The following MPP7 variants were observed in gnomAD, a reference collection of about 807,000 sequenced individuals.
MPP7 encodes the protein MAGUK p55 scaffold protein 7.
A neutral mutation model predicts 76.5 loss-of-function variants in MPP7; 60 were observed. The observed-to-expected ratio is 0.78, with a 90% CI of 0.64 to 0.97. The LOEUF (loss-of-function observed/expected upper bound fraction) is 0.97, where lower values mean the gene tolerates loss of function less well. Ranked by LOEUF, MPP7 falls within the 50% of genes least tolerant of loss-of-function variation. The probability of loss-of-function intolerance (pLI) is 0.00; values close to 1 mark genes in which losing one functional copy is unlikely to be tolerated. For missense variants in MPP7, 641 were observed against 694.0 expected (o/e 0.92, Z 0.86); for synonymous variants, 237 against 244.5 (o/e 0.97, Z 0.29).
intron 5 of MPP7, among the ~76,000 whole-genome samples, chr10:28,139,428 A>T (rs1330959394): frequency 6.6e-6 from 1 of 152,186 alleles, no homozygotes; most frequent in African/African-American, 2.4e-5. Context: ...TGAGCTGATC[A>T]TGACCCTCAC....
intron 7 of MPP7, 129 bp downstream of exon 7, chr10:28,124,879 CAG>C: frequency 1.4e-6 from 1 of 733,272 alleles, no homozygotes; most frequent in East Asian, 2.6e-5. Flanking sequence ...CATTTCAACA[CAG>C]AGAAAAATAT....
chr10:28,259,531 G>T (rs1342113558), intron 1 of MPP7, among the ~76,000 whole-genome samples: 2 of 150,410 alleles, frequency 1.3e-5, no homozygotes, highest in African/African-American at 4.9e-5. Context: ...CCACTGCAGT[G>T]AGCCGAGATT....
At chr10:28,293,265 G>A (rs1034309147) in intron 1 of MPP7, among the ~76,000 whole-genome samples, 41 of 152,086 alleles carry the variant, frequency 2.7e-4, no homozygotes, top group Non-Finnish European at 5.4e-4. Context: ...TATAAATGGC[G>A]AACTCAACCG....
chr10:28,220,726 A>G (rs575414553), intron 2 of MPP7, among the ~76,000 whole-genome samples: 1 of 152,298 alleles, frequency 6.6e-6, no homozygotes, highest in Non-Finnish European at 1.5e-5. Flanking sequence ...GGTTGTAGAG[A>G]TGATGTAGTA....
intron 1 of MPP7, among the ~76,000 whole-genome samples, chr10:28,267,893 G>T (rs899426395): frequency 2.0e-5 from 3 of 151,834 alleles, no homozygotes; most frequent in African/African-American, 7.3e-5. Context: ...AAAATTAGCC[G>T]GGCGTGCTGG....
chr10:28,279,239 T>C (rs934362303), intron 1 of MPP7, among the ~76,000 whole-genome samples: 1 of 152,058 alleles, frequency 6.6e-6, no homozygotes, highest in Non-Finnish European at 1.5e-5. Flanking sequence ...AGGACGAAGC[T>C]ACTAAAAGTT....
intron 12 of MPP7, among the ~76,000 whole-genome samples, chr10:28,085,353 T>C (rs950029973): frequency 2.0e-5 from 3 of 152,204 alleles, no homozygotes; most frequent in Non-Finnish European, 2.9e-5. Context: ...AATACACTCA[T>C]AGCTCTTAGT....
chr10:28,325,402 GC>G (rs2133187990), intron 2 of MPP7, among the ~76,000 whole-genome samples: 1 of 152,210 alleles, frequency 6.6e-6, no homozygotes, highest in East Asian at 1.9e-4. Flanking sequence ...TGTAATCTCA[GC>G]ACTTTGGAAG....
At chr10:28,276,538 A>T (rs1001506923) in intron 1 of MPP7, among the ~76,000 whole-genome samples, 1 of 152,086 alleles carries the variant, frequency 6.6e-6, no homozygotes, top group Non-Finnish European at 1.5e-5. Flanking sequence ...ACAGAACACT[A>T]TATCACTGTA....
intron 11 of MPP7, among the ~76,000 whole-genome samples, chr10:28,111,250 C>T (rs989193392): frequency 9.9e-5 from 15 of 151,792 alleles, no homozygotes; most frequent in African/African-American, 3.6e-4. Context: ...CTCATCTTAG[C>T]AAAGCCAAAG....
At chr10:28,222,851 CA>C (rs71908213) in intron 2 of MPP7, among the ~76,000 whole-genome samples, 57 of 117,622 alleles carry the variant, frequency 4.8e-4, no homozygotes, top group Non-Finnish European at 5.6e-4. Flanking sequence ...GACTCCATCT[CA>C]AAAAAAAAAA....
chr10:28,221,325 A>T (rs1366660865), intron 2 of MPP7, among the ~76,000 whole-genome samples: 2 of 152,166 alleles, frequency 1.3e-5, no homozygotes, highest in Non-Finnish European at 2.9e-5. Flanking sequence ...CATTTTTTTT[A>T]GCAACAGAAT....
At chr10:28,118,258 G>A in intron 11 of MPP7, 1 of 984,974 alleles carries the variant, frequency 1.0e-6, no homozygotes, top group Non-Finnish European at 1.2e-6. Flanking sequence ...CTATTAAAAA[G>A]CAAAATATCC....
intron 1 of MPP7, among the ~76,000 whole-genome samples, chr10:28,272,408 G>A (rs963697392): frequency 2.0e-5 from 3 of 152,032 alleles, no homozygotes; most frequent in African/African-American, 7.2e-5. Flanking sequence ...ACTTATATCT[G>A]TACATATATT....
rs143082675 is a variant in MPP7, at chr10:28,290,131, T to C, written c.-132+12730A>G. Among the ~76,000 whole-genome samples, 495 of 152,294 alleles carry C rather than the reference T, an allele frequency of 3.3e-3. 2 individuals carry two copies. Among genetic ancestry groups the C allele is most frequent in the Non-Finnish European group, 5.4e-3 (369 of 68,018 alleles). ...ACTGAGCCCAGCCAAACCATTGATT[T>C]CTAATGCTATTACGCTACTATTGAT... On this transcript the variant is annotated intron_variant, in intron 1 of 16. Coordinates refer to ENST00000683449, the MANE Select transcript of MPP7 (RefSeq NM_001318170.2).
Position 28,120,130 on chromosome 10 carries a change from T to A in MPP7, c.887+64A>T. 4.0e-6 allele frequency: 6 copies of A among 1,501,144 alleles called. No homozygotes were observed. The South Asian group carries it at 7.4e-5, about 19-fold the overall frequency. 93.0% of individuals were successfully genotyped at this position (1,501,144 alleles called of 1,614,324 possible). A position where few individuals can be genotyped will look rare whatever the true frequency, so the allele number is the denominator to read the frequency against. On this transcript the variant is annotated intron_variant, in intron 10 of 16. Coordinates refer to ENST00000683449, the MANE Select transcript of MPP7 (RefSeq NM_001318170.2). ...ATATTTTATCACATCAATGCCAGAATGATATTTTGCAGAGAACAAAAGGTC... is the reference window on the plus strand; with the variant it reads ...ATATTTTATCACATCAATGCCAGAAAGATATTTTGCAGAGAACAAAAGGTC...
At chr10:28,095,505 G>C (rs752403170) in intron 11 of MPP7, among the ~76,000 whole-genome samples, 1 of 152,086 alleles carries the variant, frequency 6.6e-6, no homozygotes, top group African/African-American at 2.4e-5. Context: ...TCCAATTTCA[G>C]TAAAATAATG....
rs1851399007 is a variant in MPP7, at chr10:28,052,598, T to C, written c.*1467A>G. On this transcript the variant is annotated 3_prime_UTR_variant, in exon 17 of 17. Transcript: ENST00000683449. ...TATTTACATGGAATGTTGACCATGA[T>C]TTATAAAACTACTCTTTTAAATTAG... 6.6e-6 allele frequency: 1 copy of C among 152,650 alleles called. No homozygotes were observed. The highest frequency in any genetic ancestry group is 1.5e-5 in the Non-Finnish European group (1 of 68,032). The allele number at this position is 152,650 out of a possible 1,614,324, so 9.5% of individuals were successfully genotyped here.
At chr10:28,308,204 C>T (rs1282105393) in intron 2 of MPP7, among the ~76,000 whole-genome samples, 1 of 152,216 alleles carries the variant, frequency 6.6e-6, no homozygotes, top group Non-Finnish European at 1.5e-5. Context: ...GTCCTTCAGA[C>T]ATTCATCCAT....
Sources: allele counts gnomAD v4.1 joint callset (sites outside exome capture counted in the v4.1 genomes callset), GRCh38; gene constraint gnomAD v4.1.1; transcripts MANE v1.5; gene names NCBI Gene and HGNC (gene_info 2026-07-23, HGNC 2026-07-21).